IL1RAPL2: variants seen among roughly 807,000 people sequenced by gnomAD.
The protein encoded by IL1RAPL2 is X-linked interleukin-1 receptor accessory protein-like 2.
A neutral mutation model predicts 44.1 loss-of-function variants in IL1RAPL2; 3 were observed. The ratio of observed to expected loss-of-function variants is 0.07; its 90% CI spans 0.03 to 0.18. IL1RAPL2 has a LOEUF of 0.18. Ranked by LOEUF, IL1RAPL2 falls within the 10% of genes least tolerant of loss-of-function variation. IL1RAPL2 has a pLI of 1.00. For synonymous variants in IL1RAPL2, 181 were observed against 178.8 expected, an observed-to-expected ratio of 1.01 and a Z score of -0.10; for missense variants, 391 against 496.4, an observed-to-expected ratio of 0.79 and a Z score of 2.02.
In IL1RAPL2 at chrX:104,818,384, GGAGATCACAGAATT is replaced by G. The variant is rs753138950; in HGVS notation, c.82+159391_82+159404del. ...AAAAAAGGTCAGTTTTTCTGTGTCT[GGAGATCACAGAATT>G]GTGATCCAGGAATGTAATCTTGGGA... On this transcript the variant is annotated intron_variant, in intron 2 of 10. Coordinates refer to ENST00000372582, the MANE Select transcript of IL1RAPL2 (RefSeq NM_017416.2). Among the ~76,000 whole-genome samples the G allele has an allele frequency of 5.6e-5, 6 of 106,985 alleles. No homozygotes were observed. The Admixed American group carries it at 6.0e-4, about 11-fold the overall frequency. 92.9% of individuals were successfully genotyped at this position (106,985 alleles called of 115,157 possible). A position where few individuals can be genotyped will look rare whatever the true frequency, so the allele number is the denominator to read the frequency against.
At chrX:104,888,289 AGAG>A (rs1267323301) in intron 2 of IL1RAPL2, among the ~76,000 whole-genome samples, 1 of 108,345 alleles carries the variant, frequency 9.2e-6, no homozygotes. Flanking sequence ...AAGGAGAGAG[AGAG>A]GAGAAGAGAC....
intron 2 of IL1RAPL2, among the ~76,000 whole-genome samples, chrX:105,159,315 A>T (rs2033300348): frequency 8.9e-6 from 1 of 111,932 alleles, no homozygotes. Flanking sequence ...GGAAAATTTC[A>T]AGTGCTGATG....
chrX:105,279,693 T>C (rs2034515097), intron 5 of IL1RAPL2, among the ~76,000 whole-genome samples: 1 of 111,728 alleles, frequency 9.0e-6, no homozygotes, highest in Non-Finnish European at 1.9e-5. Flanking sequence ...TTGACCAGGA[T>C]GGTCTCGATC....
At chrX:105,705,278 G>A (rs1437206678) in intron 6 of IL1RAPL2, among the ~76,000 whole-genome samples, 1 of 111,191 alleles carries the variant, frequency 9.0e-6, no homozygotes, top group Non-Finnish European at 1.9e-5. Flanking sequence ...GTGTGTGTAT[G>A]TGTGTGTACC....
At chrX:105,227,848 T>A (rs1169845701) in intron 3 of IL1RAPL2, among the ~76,000 whole-genome samples, 8 of 112,457 alleles carry the variant, frequency 7.1e-5, no homozygotes, top group African/African-American at 2.3e-4. Flanking sequence ...TAAACTTTTT[T>A]AAATAAGGTA....
At chrX:104,905,446 T>G (rs933484645) in intron 2 of IL1RAPL2, among the ~76,000 whole-genome samples, 3 of 111,945 alleles carry the variant, frequency 2.7e-5, no homozygotes, top group African/African-American at 6.5e-5. Flanking sequence ...GGTCTAACAT[T>G]TAAGTCTTTA....
At chrX:105,296,161 T>G (rs1400641320) in intron 5 of IL1RAPL2, among the ~76,000 whole-genome samples, 2 of 111,558 alleles carry the variant, frequency 1.8e-5, no homozygotes, top group East Asian at 2.8e-4. Context: ...TACCTCAAAC[T>G]GTATTTCCAA....
At chrX:104,808,310 C>T (rs944640135) in intron 2 of IL1RAPL2, among the ~76,000 whole-genome samples, 5 of 111,646 alleles carry the variant, frequency 4.5e-5, no homozygotes, top group African/African-American at 1.6e-4. Flanking sequence ...TATCATAACC[C>T]TCTGACATAG....
In IL1RAPL2 at chrX:104,566,594, C is replaced by T. The variant is rs1928036286; in HGVS notation, c.-477C>T. On this transcript the variant is annotated 5_prime_UTR_variant, in exon 1 of 11. Coordinates refer to ENST00000372582, the MANE Select transcript of IL1RAPL2 (RefSeq NM_017416.2). ...CCCGGAGTGCACCGCTTGGCCGAGGCAAGGTGTTGCTGGGGCAAGGCTGCT... is the reference window on the plus strand; with the variant it reads ...CCCGGAGTGCACCGCTTGGCCGAGGTAAGGTGTTGCTGGGGCAAGGCTGCT... 1 of 113,094 alleles carries T rather than the reference C, an allele frequency of 8.8e-6. No homozygotes were observed. The highest frequency in any genetic ancestry group is 3.2e-5 in the African/African-American group (1 of 31,161). 9.3% of individuals were successfully genotyped at this position (113,094 alleles called of 1,213,427 possible).
chrX:105,403,006 C>A (rs1004938827), intron 5 of IL1RAPL2, among the ~76,000 whole-genome samples: 2 of 111,879 alleles, frequency 1.8e-5, no homozygotes, highest in African/African-American at 6.5e-5. Flanking sequence ...AAAGGAGAGA[C>A]TTCACCAATT....
chrX:105,205,442 T>C (rs782102758), intron 3 of IL1RAPL2, among the ~76,000 whole-genome samples: 1 of 105,609 alleles, frequency 9.5e-6, no homozygotes, highest in South Asian at 4.5e-4. Context: ...CTACAAAAAT[T>C]AGCCAGGTGT....
Position 104,868,583 on chromosome X carries a change from A to G in IL1RAPL2, c.82+209588A>G, listed in dbSNP as rs760883490. ...GTCTGACATCATGACATCATCTCACATATGTAATTGTTATTTATTTGATCC... is the reference window on the plus strand; with the variant it reads ...GTCTGACATCATGACATCATCTCACGTATGTAATTGTTATTTATTTGATCC... On this transcript the variant is annotated intron_variant, in intron 2 of 10. Transcript: ENST00000372582. 8.0e-5 allele frequency among the ~76,000 whole-genome samples: 9 copies of G among 112,414 alleles called. No homozygotes were observed. In the South Asian group the frequency reaches 1.9e-3, roughly 23 times the overall value.
intron 6 of IL1RAPL2, among the ~76,000 whole-genome samples, chrX:105,490,984 A>G (rs2036313310): frequency 8.9e-6 from 1 of 112,341 alleles, no homozygotes; most frequent in African/African-American, 3.2e-5. Flanking sequence ...TTTATCTGAA[A>G]ATAATTAAGA....
At chrX:104,774,061 G>A (rs1932681885) in intron 2 of IL1RAPL2, among the ~76,000 whole-genome samples, 1 of 111,571 alleles carries the variant, frequency 9.0e-6, no homozygotes, top group African/African-American at 3.3e-5. Context: ...TAGAAGTGAG[G>A]CATATTTTTT....
At chrX:104,611,226 G>T (rs967947935) in intron 1 of IL1RAPL2, among the ~76,000 whole-genome samples, 1 of 111,516 alleles carries the variant, frequency 9.0e-6, no homozygotes, top group African/African-American at 3.3e-5. Context: ...CTGTCAGGCT[G>T]GGATGTTTAA....
chrX:105,363,308 A>ATATATATATAATATATTATAT (rs1491419366), intron 5 of IL1RAPL2, among the ~76,000 whole-genome samples: 1 of 68,569 alleles, frequency 1.5e-5, no homozygotes, highest in Admixed American at 1.5e-4. Flanking sequence ...ATATATATAT[A>ATATATATATAATATATTATAT]ATATATATAT....
At chrX:105,606,496 T>C (rs1276830497) in intron 6 of IL1RAPL2, among the ~76,000 whole-genome samples, 3 of 111,169 alleles carry the variant, frequency 2.7e-5, no homozygotes, top group African/African-American at 9.8e-5. Context: ...GTATGGAGGT[T>C]CCTCAGAAAA....
chrX:104,769,367 GGC>G (rs1202225312), intron 2 of IL1RAPL2, among the ~76,000 whole-genome samples: 1 of 111,666 alleles, frequency 9.0e-6, no homozygotes, highest in Admixed American at 9.6e-5. Context: ...CTAAAAGAAT[GGC>G]AGGGACCAGT....
chrX:105,125,803 G>T, intron 2 of IL1RAPL2, among the ~76,000 whole-genome samples: 1 of 110,327 alleles, frequency 9.1e-6, no homozygotes, highest in Middle Eastern at 4.8e-3. Context: ...CCACAGAACT[G>T]ACTATGGAAA....
Sources: gnomAD v4.1 joint callset for allele counts (sites outside exome capture counted in the v4.1 genomes callset) on GRCh38, gnomAD v4.1.1 for gene constraint, MANE v1.5 for transcripts, NCBI Gene and HGNC (gene_info 2026-07-23, HGNC 2026-07-21) for gene names.